The following KCNJ2 variants were observed in gnomAD, a reference collection of about 807,000 sequenced individuals.
The protein encoded by KCNJ2 is inward rectifier potassium channel 2.
A neutral mutation model predicts 28.4 loss-of-function variants in KCNJ2; 12 were observed. That is an observed-to-expected ratio of 0.42 (90% confidence interval 0.27 to 0.68). KCNJ2 has a LOEUF of 0.68. Ranked by LOEUF, KCNJ2 falls within the 30% of genes least tolerant of loss-of-function variation. The pLI is 0.23. For synonymous variants in KCNJ2, 200 were observed against 203.2 expected, an observed-to-expected ratio of 0.98 and a Z score of 0.13; for missense variants, 320 against 551.3, an observed-to-expected ratio of 0.58 and a Z score of 4.20.
Position 70,174,921 on chromosome 17 carries a change from C to G in KCNJ2, c.-119C>G, listed in dbSNP as rs1405909382. 1.0e-6 allele frequency: 1 copy of G among 963,786 alleles called. No individual in the cohort carries two copies. Among genetic ancestry groups the G allele is most frequent in the East Asian group, 2.6e-5 (1 of 38,368 alleles). 59.7% of individuals were successfully genotyped at this position (963,786 alleles called of 1,614,324 possible). On this transcript the variant is annotated 5_prime_UTR_variant, in exon 2 of 2. Transcript: ENST00000243457. ...ACAAGGCTCCCAGAGACACCCATCT[C>G]TCCTCATTTTTTTGGTGTGTGTGTC...
rs1405909382 is a variant in KCNJ2 at position 70,174,921 on chromosome 17, C to T, written c.-119C>T. ...ACAAGGCTCCCAGAGACACCCATCTCTCCTCATTTTTTTGGTGTGTGTGTC... is the reference window on the plus strand; with the variant it reads ...ACAAGGCTCCCAGAGACACCCATCTTTCCTCATTTTTTTGGTGTGTGTGTC... On this transcript the variant is annotated 5_prime_UTR_variant, in exon 2 of 2. Transcript: ENST00000243457. The T allele has an allele frequency of 1.0e-6, 1 of 963,668 alleles. No individual in the cohort carries two copies. The highest frequency in any genetic ancestry group is 1.6e-5 in the African/African-American group (1 of 61,958). 59.7% of individuals were successfully genotyped at this position (963,668 alleles called of 1,614,324 possible). A position where few individuals can be genotyped will look rare whatever the true frequency, so the allele number is the denominator to read the frequency against.
rs560147745 is a variant in KCNJ2 at position 70,176,527 on chromosome 17, T to G, written c.*204T>G. The G allele has an allele frequency of 1.6e-6, 1 of 632,584 alleles. No homozygotes were observed. The highest frequency in any genetic ancestry group is 1.8e-5 in the African/African-American group (1 of 54,402). The allele number at this position is 632,584 out of a possible 1,614,324, so 39.2% of individuals were successfully genotyped here. A position where few individuals can be genotyped will look rare whatever the true frequency, so the allele number is the denominator to read the frequency against. ...CTAACCATGTCTCCATGTGACCCGA[T>G]GGCACATAGATGTTGTAGAATAAGT... On this transcript the variant is annotated 3_prime_UTR_variant, in exon 2 of 2. Coordinates refer to ENST00000243457, the MANE Select transcript of KCNJ2 (RefSeq NM_000891.3).
In KCNJ2 at chr17:70,175,814, G is replaced by A. The variant is rs1037493754; in HGVS notation, c.775G>A (p.Asp259Asn). ...CAATGTTGGGTTTGACAGTGGAATCGATCGTATATTTCTGGTGTCCCCAAT... is the reference window on the plus strand; with the variant it reads ...CAATGTTGGGTTTGACAGTGGAATCAATCGTATATTTCTGGTGTCCCCAAT... The part of the protein sequence containing the change: ...DINVGFDSGI[D>N]RIFLVSPITI... The change falls in exon 2 of 2, where the codon GAT becomes AAT. Residue 259 changes from aspartate (D) to asparagine (N), a missense_variant. Transcript: ENST00000243457. This position sits in a 1 kb window ranked among gnomAD's most constrained non-coding sequence, Gnocchi z 8.3. The A allele has an allele frequency of 1.2e-6, 2 of 1,614,028 alleles. No homozygotes were observed. Among genetic ancestry groups the A allele is most frequent in the Non-Finnish European group, 1.7e-6 (2 of 1,180,032 alleles).
At position 70,175,812 on chromosome 17, in the gene KCNJ2, T is replaced by A; in HGVS notation, c.773T>A (p.Ile258Asn). Reference protein sequence around the residue: ...IDINVGFDSGIDRIFLVSPIT... With the variant: ...IDINVGFDSGNDRIFLVSPIT... ...ATCAATGTTGGGTTTGACAGTGGAA[T>A]CGATCGTATATTTCTGGTGTCCCCA... The change falls in exon 2 of 2, where the codon ATC becomes AAC. Residue 258 changes from isoleucine (I) to asparagine (N), a missense_variant. Around this residue, in one of 3 missense-constraint regions of KCNJ2, gnomAD observed 155 missense variants for 231.6 expected, o/e 0.67. Coordinates refer to ENST00000243457, the MANE Select transcript of KCNJ2 (RefSeq NM_000891.3). This position sits in a 1 kb window ranked among gnomAD's most constrained non-coding sequence, Gnocchi z 8.3. 1 of 1,614,218 alleles carries A rather than the reference T, an allele frequency of 6.2e-7. No homozygotes were observed. The highest frequency in any genetic ancestry group is 8.5e-7 in the Non-Finnish European group (1 of 1,180,036).
Position 70,175,851 on chromosome 17 carries a change from A to C in KCNJ2, c.812A>C (p.His271Pro). The change falls in exon 2 of 2, where the codon CAT becomes CCT. Residue 271 changes from histidine (H) to proline (P), a missense_variant. Physicochemically the swap from His to Pro is moderately conservative, Grantham distance 77 (BLOSUM62 -2). Around this residue, in one of 3 missense-constraint regions of KCNJ2, gnomAD observed 155 missense variants for 231.6 expected, o/e 0.67. Transcript: ENST00000243457. This position sits in a 1 kb window ranked among gnomAD's most constrained non-coding sequence, Gnocchi z 8.3. ...IFLVSPITIVHEIDEDSPLYD... is the reference protein window; with the variant it reads ...IFLVSPITIVPEIDEDSPLYD... ...CTGGTGTCCCCAATCACTATAGTCC[A>C]TGAAATAGATGAAGACAGTCCTTTA... The C allele has an allele frequency of 6.2e-7, 1 of 1,614,204 alleles. No homozygotes were observed. Among genetic ancestry groups the C allele is most frequent in the Non-Finnish European group, 8.5e-7 (1 of 1,180,026 alleles).
At position 70,179,021 on chromosome 17, in the gene KCNJ2, T is replaced by C. The variant is rs368668294; in HGVS notation, c.*2698T>C. ...CATGGACTGTTCATTTGAAACCTTT[T>C]TCTAGTTATTAGCGTTTTAACAGTT... On this transcript the variant is annotated 3_prime_UTR_variant, in exon 2 of 2. Transcript: ENST00000243457. 3.0e-5 allele frequency: 5 copies of C among 166,400 alleles called. No homozygotes were observed. The East Asian group carries it at 7.7e-4, about 26-fold the overall frequency. 10.3% of individuals were successfully genotyped at this position (166,400 alleles called of 1,614,324 possible).
rs1225620224 is a variant in KCNJ2 at position 70,179,602 on chromosome 17, C to T, written c.*3279C>T. 6.0e-6 allele frequency: 1 copy of T among 166,350 alleles called. No individual in the cohort carries two copies. The highest frequency in any genetic ancestry group is 6.6e-5 in the Admixed American group (1 of 15,264). 10.3% of individuals were successfully genotyped at this position (166,350 alleles called of 1,614,324 possible). A position where few individuals can be genotyped will look rare whatever the true frequency, so the allele number is the denominator to read the frequency against. On this transcript the variant is annotated 3_prime_UTR_variant, in exon 2 of 2. Transcript: ENST00000243457. Reference sequence around the variant, plus strand: ...CTCTTTACTTCCTTTCTTACCAGTACACTCCTATCTCAACTCTGTTTATTT... The same window carrying T: ...CTCTTTACTTCCTTTCTTACCAGTATACTCCTATCTCAACTCTGTTTATTT...
rs2074399932 is a variant in KCNJ2 at position 70,177,316 on chromosome 17, C to T, written c.*993C>T. ...ACACAATACCGACGTCTATCCTTTC[C>T]TGCTAGGCAGTGCTGGCCAGGCTCA... On this transcript the variant is annotated 3_prime_UTR_variant, in exon 2 of 2. Transcript: ENST00000243457. The T allele has an allele frequency of 6.0e-6, 1 of 167,070 alleles. No homozygotes were observed. The highest frequency in any genetic ancestry group is 6.5e-5 in the Admixed American group (1 of 15,282). The allele number at this position is 167,070 out of a possible 1,614,324, so 10.3% of individuals were successfully genotyped here. A position where few individuals can be genotyped will look rare whatever the true frequency, so the allele number is the denominator to read the frequency against.
intron 1 of KCNJ2, among the ~76,000 whole-genome samples, chr17:70,172,699 C>T (rs1398172088): frequency 4.6e-5 from 7 of 152,096 alleles, no homozygotes; most frequent in Admixed American, 3.3e-4. Flanking sequence ...TGTTTTGAAT[C>T]ATGAAAAGGG....
In KCNJ2 at chr17:70,178,167, A is replaced by C. The variant is rs376631775; in HGVS notation, c.*1844A>C. The C allele has an allele frequency of 4.8e-5, 8 of 167,016 alleles. No individual in the cohort carries two copies. The East Asian group carries it at 1.2e-3, about 24-fold the overall frequency. 10.3% of individuals were successfully genotyped at this position (167,016 alleles called of 1,614,324 possible). A position where few individuals can be genotyped will look rare whatever the true frequency, so the allele number is the denominator to read the frequency against. On this transcript the variant is annotated 3_prime_UTR_variant, in exon 2 of 2. Coordinates refer to ENST00000243457, the MANE Select transcript of KCNJ2 (RefSeq NM_000891.3). ...GCCATTAAAAAACAGCTTGTTCTAG[A>C]ATCATGTATTTTGTAAACTGATGTT...
Position 70,176,715 on chromosome 17 carries a change from A to C in KCNJ2, c.*392A>C. ...CTGCCTTAATTTTTGAAAAGCTGCT[A>C]ACTACATGAACACAAATGTGTATTT... is the stretch of plus-strand genomic sequence containing the variant. On this transcript the variant is annotated 3_prime_UTR_variant, in exon 2 of 2. Transcript: ENST00000243457. 3.8e-6 allele frequency: 1 copy of C among 266,088 alleles called. No individual in the cohort carries two copies. The highest frequency in any genetic ancestry group is 7.9e-6 in the Non-Finnish European group (1 of 126,800). The allele number at this position is 266,088 out of a possible 1,614,324, so 16.5% of individuals were successfully genotyped here.
Position 70,175,636 on chromosome 17 carries a change from C to T in KCNJ2, c.597C>T (p.Ala199=), listed in dbSNP as rs771056622. ...AGACTCTTGTCTTCAGTCACAATGC[C>T]GTGATTGCCATGAGAGACGGCAAGC... ...RNETLVFSHN[A]VIAMRDGKLC... Residue 199 remains alanine (A), a synonymous_variant, in exon 2 of 2, where the codon GCC becomes GCT. Transcript: ENST00000243457. This position sits in a 1 kb window ranked among gnomAD's most constrained non-coding sequence, Gnocchi z 8.3. 3.0e-5 allele frequency: 49 copies of T among 1,614,088 alleles called. No homozygotes were observed. Among genetic ancestry groups the T allele is most frequent in the Non-Finnish European group, 3.6e-5 (42 of 1,180,030 alleles).
Position 70,176,021 on chromosome 17 carries a change from C to T in KCNJ2, c.982C>T (p.Pro328Ser), listed in dbSNP as rs2144377745. 1.2e-6 allele frequency: 2 copies of T among 1,614,120 alleles called. No individual in the cohort carries two copies. The highest frequency in any genetic ancestry group is 2.2e-5 in the East Asian group (1 of 44,880). The stretch of plus-strand genomic sequence containing the variant: ...AATCCTGTGGGGCCACCGCTATGAG[C>T]CTGTGCTCTTTGAAGAGAAGCACTA... The part of the protein sequence containing the change: ...NEILWGHRYE[P>S]VLFEEKHYYK... Residue 328 changes from proline to serine, a missense_variant, in exon 2 of 2, where the codon CCT becomes TCT. Transcript: ENST00000243457.
At chr17:70,171,906 A>G (rs768386775) in intron 1 of KCNJ2, among the ~76,000 whole-genome samples, 6 of 152,176 alleles carry the variant, frequency 3.9e-5, no homozygotes, top group Non-Finnish European at 8.8e-5. Flanking sequence ...TCAAATTTCA[A>G]TTCTCTGGAT....
Position 70,176,404 on chromosome 17 carries a change from G to T in KCNJ2, c.*81G>T. The T allele has an allele frequency of 7.5e-7, 1 of 1,332,506 alleles. No individual in the cohort carries two copies. The allele number at this position is 1,332,506 out of a possible 1,614,324, so 82.5% of individuals were successfully genotyped here. On this transcript the variant is annotated 3_prime_UTR_variant, in exon 2 of 2. Coordinates refer to ENST00000243457, the MANE Select transcript of KCNJ2 (RefSeq NM_000891.3). Reference sequence around the variant, plus strand: ...GCCCAAAACAGTTATACAGATGACGGTACTGGTCAAGATGGGTCAAGCAAG... The same window carrying T: ...GCCCAAAACAGTTATACAGATGACGTTACTGGTCAAGATGGGTCAAGCAAG...
At chr17:70,173,554 G>A (rs1010335786) in intron 1 of KCNJ2, among the ~76,000 whole-genome samples, 1 of 152,188 alleles carries the variant, frequency 6.6e-6, no homozygotes, top group African/African-American at 2.4e-5. Flanking sequence ...TTAGTCAAGG[G>A]AAATAGTTTC....
rs532697803 is a variant in KCNJ2, at chr17:70,169,567, C to A, written c.-351C>A. The A allele has an allele frequency of 6.5e-6, 1 of 152,754 alleles. No homozygotes were observed. Among genetic ancestry groups the A allele is most frequent in the South Asian group, 2.1e-4 (1 of 4,828 alleles). The allele number at this position is 152,754 out of a possible 1,614,324, so 9.5% of individuals were successfully genotyped here. On this transcript the variant is annotated 5_prime_UTR_variant, in exon 1 of 2. Coordinates refer to ENST00000243457, the MANE Select transcript of KCNJ2 (RefSeq NM_000891.3). ...GGAGCCCTGGCCAGCGCGCAGCCTT[C>A]CCGGCGCCGGCGGGCTGGGTCTTGG...
rs912189317 is a variant in KCNJ2 at position 70,178,012 on chromosome 17, C to T, written c.*1689C>T. The T allele has an allele frequency of 6.3e-6, 1 of 158,462 alleles. No individual in the cohort carries two copies. The highest frequency in any genetic ancestry group is 6.7e-5 in the Admixed American group (1 of 14,854). 9.8% of individuals were successfully genotyped at this position (158,462 alleles called of 1,614,324 possible). Reference sequence around the variant, plus strand: ...CATAATTTTTTTTTTCTCACTGAAGCTCAATAATGGAACTCTTTTTTTTTT... The same window carrying T: ...CATAATTTTTTTTTTCTCACTGAAGTTCAATAATGGAACTCTTTTTTTTTT... On this transcript the variant is annotated 3_prime_UTR_variant, in exon 2 of 2. Coordinates refer to ENST00000243457, the MANE Select transcript of KCNJ2 (RefSeq NM_000891.3).
At position 70,174,866 on chromosome 17, in the gene KCNJ2, G is replaced by C; in HGVS notation, c.-174G>C. 1 of 681,706 alleles carries C rather than the reference G, an allele frequency of 1.5e-6. No individual in the cohort carries two copies. Among genetic ancestry groups the C allele is most frequent in the Non-Finnish European group, 2.6e-6 (1 of 380,080 alleles). 42.2% of individuals were successfully genotyped at this position (681,706 alleles called of 1,614,324 possible). ...TCAGCTGAGTCATTAAAGTAACTCTGCATGTCAGTAGACAGACCTTGGTAG... is the reference window on the plus strand; with the variant it reads ...TCAGCTGAGTCATTAAAGTAACTCTCCATGTCAGTAGACAGACCTTGGTAG... On this transcript the variant is annotated 5_prime_UTR_variant, in exon 2 of 2. Transcript: ENST00000243457.
Sources: gnomAD v4.1 joint callset for allele counts (sites outside exome capture counted in the v4.1 genomes callset) on GRCh38, gnomAD v4.1.1 for gene constraint, gnomAD v4.1.1 regional missense constraint, Gnocchi (gnomAD v3.1) non-coding constraint, MANE v1.5 for transcripts, NCBI Gene and HGNC (gene_info 2026-07-23, HGNC 2026-07-21) for gene names.